The following PHF24 variants were observed in gnomAD, a reference collection of about 807,000 sequenced individuals.
The protein encoded by PHF24 is Galpha inhibitory interacting protein.
In PHF24, 25 loss-of-function variants were observed where a neutral mutation model predicts 42.6. The observed-to-expected ratio is 0.59, with a 90% CI of 0.43 to 0.82. The LOEUF is 0.82. Ranked by LOEUF, PHF24 falls within the 40% of genes least tolerant of loss-of-function variation. PHF24 has a pLI of 0.00. For missense variants in PHF24, 470 were observed against 538.1 expected, an observed-to-expected ratio of 0.87 and a Z score of 1.25; for synonymous variants, 185 against 204.8, an observed-to-expected ratio of 0.90 and a Z score of 0.83.
the PHF24 span, among the ~76,000 whole-genome samples, chr9:34,855,639 G>C: frequency 6.6e-6 from 1 of 152,202 alleles, no homozygotes; most frequent in African/African-American, 2.4e-5. Flanking sequence ...TCCACTGAGA[G>C]GTCCACTGTT....
the PHF24 span, among the ~76,000 whole-genome samples, chr9:34,678,483 T>C: frequency 6.6e-6 from 1 of 151,788 alleles, no homozygotes; most frequent in Admixed American, 6.6e-5. Context: ...TACAGGCGCC[T>C]GCCACCACAC....
chr9:34,972,354 C>A, exon 3 of PHF24: 1 of 1,601,472 alleles, frequency 6.2e-7, no homozygotes, highest in East Asian at 2.2e-5. Context: ...AGGTTGTCAA[C>A]GATGAGATGT....
chr9:34,896,751 T>G, the PHF24 span, among the ~76,000 whole-genome samples: 2 of 152,158 alleles, frequency 1.3e-5, no homozygotes, highest in Non-Finnish European at 2.9e-5. Context: ...CACATTAATG[T>G]TAACTTCATG....
the PHF24 span, chr9:34,918,147 A>G: frequency 2.6e-6 from 4 of 1,525,738 alleles, no homozygotes; most frequent in Admixed American, 5.0e-5. Flanking sequence ...CAGCATATGC[A>G]TTCCCTGGAC....
At chr9:34,884,017 A>G in the PHF24 span, among the ~76,000 whole-genome samples, 1 of 152,246 alleles carries the variant, frequency 6.6e-6, no homozygotes, top group Non-Finnish European at 1.5e-5. Flanking sequence ...CATATACACC[A>G]TGGAATACTA....
At chr9:34,745,469 G>A in the PHF24 span, among the ~76,000 whole-genome samples, 2 of 151,942 alleles carry the variant, frequency 1.3e-5, no homozygotes, top group African/African-American at 4.8e-5. Flanking sequence ...AAGAAGAAAT[G>A]ATATTTACAA....
the PHF24 span, among the ~76,000 whole-genome samples, chr9:34,850,501 G>A: frequency 0.022 from 3,311 of 152,198 alleles, 126 homozygotes; most frequent in African/African-American, 0.074. Context: ...TTATACATTT[G>A]TCTAAATTTT....
chr9:34,694,204 A>C, the PHF24 span, among the ~76,000 whole-genome samples: 1 of 120,638 alleles, frequency 8.3e-6, no homozygotes, highest in Non-Finnish European at 1.6e-5. Context: ...GAGTCTCAAT[A>C]TGTCACCCAG....
the PHF24 span, among the ~76,000 whole-genome samples, chr9:34,900,853 G>T: frequency 1.3e-5 from 2 of 152,204 alleles, no homozygotes; most frequent in East Asian, 3.9e-4. Flanking sequence ...TCCATGTGAG[G>T]ACACAGCAAG....
At chr9:34,923,454 CCAGGGCTTTT>C in the PHF24 span, among the ~76,000 whole-genome samples, 15 of 152,092 alleles carry the variant, frequency 9.9e-5, no homozygotes, top group Non-Finnish European at 1.6e-4. Context: ...GCCATTGGGT[CCAGGGCTTTT>C]CTTTGCTGGG....
chr9:34,764,214 A>C, the PHF24 span, among the ~76,000 whole-genome samples: 2 of 152,254 alleles, frequency 1.3e-5, no homozygotes, highest in African/African-American at 4.8e-5. Flanking sequence ...TGGCCTCATA[A>C]AATGAATTAG....
the PHF24 span, among the ~76,000 whole-genome samples, chr9:34,879,552 C>T: frequency 2.0e-5 from 3 of 152,074 alleles, no homozygotes; most frequent in African/African-American, 4.8e-5. Context: ...AACTACGTGA[C>T]GTGTGCACAA....
At chr9:34,760,100 C>G in the PHF24 span, among the ~76,000 whole-genome samples, 1 of 152,116 alleles carries the variant, frequency 6.6e-6, no homozygotes, top group Non-Finnish European at 1.5e-5. Context: ...CAGCAAACGA[C>G]GGGGATGAAG....
chr9:34,875,938 A>C, the PHF24 span, among the ~76,000 whole-genome samples: 5 of 88,428 alleles, frequency 5.7e-5, no homozygotes, highest in Non-Finnish European at 9.0e-5. Context: ...ACACACACAC[A>C]CACACACACA....
the PHF24 span, chr9:34,724,514 C>A: frequency 6.4e-7 from 1 of 1,551,476 alleles, no homozygotes; most frequent in African/African-American, 1.4e-5. Context: ...CTTCCTTGCC[C>A]TAATGGGAAT....
At chr9:34,913,586 CA>C in the PHF24 span, among the ~76,000 whole-genome samples, 1 of 152,142 alleles carries the variant, frequency 6.6e-6, no homozygotes, top group Admixed American at 6.5e-5. Flanking sequence ...TTAAACCTAG[CA>C]AAGTTTAGTT....
the PHF24 span, among the ~76,000 whole-genome samples, chr9:34,880,912 C>T: frequency 6.6e-6 from 1 of 152,208 alleles, no homozygotes; most frequent in Non-Finnish European, 1.5e-5. Context: ...ACATTATTCT[C>T]AGCACCACAT....
the PHF24 span, among the ~76,000 whole-genome samples, chr9:34,926,749 G>T: frequency 6.6e-6 from 1 of 152,126 alleles, no homozygotes; most frequent in Non-Finnish European, 1.5e-5. The surrounding 1 kb of genome is among the most constrained non-coding windows in gnomAD (Gnocchi z 4.3). Flanking sequence ...GTTGACCTGG[G>T]GATACTTCTG....
the PHF24 span, among the ~76,000 whole-genome samples, chr9:34,706,309 A>G: frequency 6.6e-6 from 1 of 152,228 alleles, no homozygotes; most frequent in Non-Finnish European, 1.5e-5. Flanking sequence ...AGAGAGTTAG[A>G]TCTTCACTTT....
Sources: allele counts gnomAD v4.1 joint callset (sites outside exome capture counted in the v4.1 genomes callset), GRCh38; gene constraint gnomAD v4.1.1; non-coding constraint Gnocchi (gnomAD v3.1); transcripts MANE v1.5; gene names NCBI Gene and HGNC (gene_info 2026-07-23, HGNC 2026-07-21).